ZNF585B: variants seen among roughly 807,000 people sequenced by gnomAD.
The protein encoded by ZNF585B is zinc finger protein 585B.
ZNF585B carries 7 observed loss-of-function variants against 14.0 expected under a neutral mutation model. The observed-to-expected ratio is 0.50, with a 90% CI of 0.28 to 0.94. The LOEUF is 0.94. Ranked by LOEUF, ZNF585B falls within the 40% of genes least tolerant of loss-of-function variation. The pLI is 0.09. For missense variants in ZNF585B, 750 were observed against 924.4 expected, an observed-to-expected ratio of 0.81 and a Z score of 2.45; for synonymous variants, 290 against 317.3, an observed-to-expected ratio of 0.91 and a Z score of 0.91.
At chr19:37,204,614 A>G (rs1192762838) in intron 2 of ZNF585B, among the ~76,000 whole-genome samples, 2 of 152,198 alleles carry the variant, frequency 1.3e-5, no homozygotes, top group Admixed American at 6.5e-5. Flanking sequence ...TATCTCTTTC[A>G]TCCAGGCTGG....
rs934222740 is a variant in ZNF585B at position 37,191,584 on chromosome 19, C to T, written c.73-1434G>A. On this transcript the variant is annotated intron_variant, in intron 2 of 4. Transcript: ENST00000532828. ...AGTGAGCTGAGATTATGCCACGGCA[C>T]TCCAGCCTGAGCGACAGAGGGAGAC... is the stretch of plus-strand genomic sequence containing the variant. Among the ~76,000 whole-genome samples, 4 of 150,928 alleles carry T rather than the reference C, an allele frequency of 2.7e-5. No individual in the cohort carries two copies. The South Asian group carries it at 6.3e-4, about 24-fold the overall frequency.
chr19:37,185,711 C>T lies in ZNF585B; in HGVS notation c.1826G>A (p.Ser609Asn), dbSNP rs367958049. 1 of 1,599,934 alleles carries T rather than the reference C, an allele frequency of 6.3e-7. No individual in the cohort carries two copies. The highest frequency in any genetic ancestry group is 8.5e-7 in the Non-Finnish European group (1 of 1,172,678). ...GGAGGTAAAGGACTTCCCACAGTCACTGCATTCATAAGGCTTCTCTCCAGT... is the reference window on the plus strand; with the variant it reads ...GGAGGTAAAGGACTTCCCACAGTCATTGCATTCATAAGGCTTCTCTCCAGT... ...IHTGEKPYEC[S>N]DCGKSFTSKS... The change falls in exon 5 of 5, where the codon AGT (serine) becomes AAT (asparagine). Residue 609 changes from serine to asparagine, a missense_variant. This residue lies in a region of ZNF585B where 233 missense variants were observed against 354.1 expected (regional missense o/e 0.66). Transcript: ENST00000532828.
chr19:37,207,020 T>C lies in ZNF585B; in HGVS notation c.72+20A>G, dbSNP rs758913131. On this transcript the variant is annotated intron_variant, in intron 2 of 4. Coordinates refer to ENST00000532828, the MANE Select transcript of ZNF585B (RefSeq NM_152279.4). ...TACTCTTGGACTGAAATTCCACCCC[T>C]TGGGACTCCTCCTCCTCACCTCATA... The C allele has an allele frequency of 3.7e-6, 6 of 1,613,222 alleles. No homozygotes were observed. The highest frequency in any genetic ancestry group is 5.1e-6 in the Non-Finnish European group (6 of 1,179,952).
At chr19:37,205,106 T>C (rs1972572610) in intron 2 of ZNF585B, among the ~76,000 whole-genome samples, 1 of 152,114 alleles carries the variant, frequency 6.6e-6, no homozygotes, top group African/African-American at 2.4e-5. Flanking sequence ...AATCACTACA[T>C]TGCCAGGGCT....
intron 2 of ZNF585B, among the ~76,000 whole-genome samples, chr19:37,201,783 TC>T (rs1972532894): frequency 6.6e-6 from 1 of 152,234 alleles, no homozygotes; most frequent in Non-Finnish European, 1.5e-5. Flanking sequence ...AGAATTTCAT[TC>T]TTTTTTTCTA....
intron 2 of ZNF585B, among the ~76,000 whole-genome samples, chr19:37,193,386 G>A (rs1167650519): frequency 6.6e-6 from 1 of 151,636 alleles, no homozygotes; most frequent in African/African-American, 2.4e-5. Context: ...CAGGAGAATG[G>A]CGTGAACCCG....
rs769198757 is a variant in ZNF585B at position 37,186,631 on chromosome 19, G to C, written c.906C>G (p.Asn302Lys). ...HSGEKPYECN[N>K]CGKSFISKSQ... ...ACTTGGAAATGAAGGATTTGCCACAGTTATTGCATTCATATGGTTTTTCTC... is the reference window on the plus strand; with the variant it reads ...ACTTGGAAATGAAGGATTTGCCACACTTATTGCATTCATATGGTTTTTCTC... Residue 302 changes from asparagine to lysine, a missense_variant, in exon 5 of 5, where the codon AAC (asparagine) becomes AAG (lysine). By Grantham distance (94) the Asn-to-Lys change is moderately conservative (BLOSUM62 0). Coordinates refer to ENST00000532828, the MANE Select transcript of ZNF585B (RefSeq NM_152279.4). 147 of 1,614,108 alleles carry C rather than the reference G, an allele frequency of 9.1e-5. No individual in the cohort carries two copies. The highest frequency in any genetic ancestry group is 1.2e-4 in the Non-Finnish European group (140 of 1,180,046).
chr19:37,190,223 G>T, intron 2 of ZNF585B, 73 bp from the exon 3 acceptor site: 1 of 1,575,328 alleles, frequency 6.3e-7, no homozygotes, highest in South Asian at 1.2e-5. Context: ...TGGGATTACG[G>T]AACATGGGTT....
chr19:37,182,310 T>C lies in ZNF585B; in HGVS notation c.*2917A>G, dbSNP rs997879431. 2 of 152,132 alleles carry C rather than the reference T, an allele frequency of 1.3e-5. No individual in the cohort carries two copies. Among genetic ancestry groups the C allele is most frequent in the African/African-American group, 4.8e-5 (2 of 41,416 alleles). 9.4% of individuals were successfully genotyped at this position (152,132 alleles called of 1,614,324 possible). On this transcript the variant is annotated 3_prime_UTR_variant, in exon 5 of 5. Coordinates refer to ENST00000532828, the MANE Select transcript of ZNF585B (RefSeq NM_152279.4). Reference sequence around the variant, plus strand: ...TGGAATTCATGAGGAGTGATACACTTAGGAGTAAGGTAAAATGGGAATAAT... The same window carrying C: ...TGGAATTCATGAGGAGTGATACACTCAGGAGTAAGGTAAAATGGGAATAAT...
intron 1 of ZNF585B, among the ~76,000 whole-genome samples, chr19:37,208,464 T>TTATGTTTCCTAATTA (rs1363662730): frequency 6.6e-6 from 1 of 152,140 alleles, no homozygotes; most frequent in Non-Finnish European, 1.5e-5. Context: ...GTATTTCTGA[T>TTATGTTTCCTAATTA]TATGTTTCCT....
chr19:37,187,793 T>C (rs146896162), intron 4 of ZNF585B, among the ~76,000 whole-genome samples: 1 of 152,292 alleles, frequency 6.6e-6, no homozygotes, highest in East Asian at 1.9e-4. Flanking sequence ...GTGAGTAATT[T>C]CATGAGAAGG....
intron 2 of ZNF585B, among the ~76,000 whole-genome samples, chr19:37,196,906 A>C (rs1000590677): frequency 1.3e-5 from 2 of 152,134 alleles, no homozygotes; most frequent in Admixed American, 1.3e-4. Flanking sequence ...CAGCTTTTCA[A>C]CTGCACAGAG....
chr19:37,185,385 A>T lies in ZNF585B; in HGVS notation c.2152T>A (p.Tyr718Asn), dbSNP rs1177673127. The change falls in exon 5 of 5, where the codon TAC becomes AAC. Residue 718 changes from tyrosine to asparagine, a missense_variant. Tyr to Asn is a moderately radical substitution (Grantham distance 143). This residue lies in a region of ZNF585B where 233 missense variants were observed against 354.1 expected (regional missense o/e 0.66). Transcript: ENST00000532828. ...GCCTTCCCACACTCAGCACACACGTAAGGCTTCTCTCCAGTGTGAATTCGC... is the reference window on the plus strand; with the variant it reads ...GCCTTCCCACACTCAGCACACACGTTAGGCTTCTCTCCAGTGTGAATTCGC... ...HQRIHTGEKPYVCAECGKAFS... is the reference protein window; with the variant it reads ...HQRIHTGEKPNVCAECGKAFS... The T allele has an allele frequency of 6.2e-7, 1 of 1,614,106 alleles. No individual in the cohort carries two copies. Among genetic ancestry groups the T allele is most frequent in the Non-Finnish European group, 8.5e-7 (1 of 1,180,020 alleles).
chr19:37,189,675 C>T lies in ZNF585B; in HGVS notation c.278G>A (p.Arg93His), dbSNP rs1405908614. Residue 93 changes from arginine to histidine, a missense_variant, in exon 4 of 5, where the codon CGT becomes CAT. Physicochemically the swap from Arg to His is conservative, Grantham distance 29. Transcript: ENST00000532828. ...EPWALQGERP[R>H]HSCPGEKLWD... Reference sequence around the variant, plus strand: ...ACTTCACTCACCTGGGCAGCTGTGACGTGGCCTCTCACCCTGCAGTGCCCA... The same window carrying T: ...ACTTCACTCACCTGGGCAGCTGTGATGTGGCCTCTCACCCTGCAGTGCCCA... 43 of 1,613,028 alleles carry T rather than the reference C, an allele frequency of 2.7e-5. No individual in the cohort carries two copies. The highest frequency in any genetic ancestry group is 1.9e-4 in the South Asian group (17 of 91,030).
chr19:37,207,061 C>A lies in ZNF585B; in HGVS notation c.51G>T (p.Glu17Asp). 2 of 1,614,104 alleles carry A rather than the reference C, an allele frequency of 1.2e-6. No homozygotes were observed. The highest frequency in any genetic ancestry group is 1.7e-6 in the Non-Finnish European group (2 of 1,180,026). The change falls in exon 2 of 5, where the codon GAG becomes GAT. Residue 17 changes from glutamate to aspartate, a missense_variant. Glu to Asp is a conservative substitution (Grantham distance 45). Transcript: ENST00000532828. ...TCACCTCATAGGAGCTGCCATGATCCTCTGGAGCCAGGGCTGAGGATTTCT... is the reference window on the plus strand; with the variant it reads ...TCACCTCATAGGAGCTGCCATGATCATCTGGAGCCAGGGCTGAGGATTTCT... ...SPQKSSALAPEDHGSSYEGSV... is the reference protein window; with the variant it reads ...SPQKSSALAPDDHGSSYEGSV...
Position 37,185,010 on chromosome 19 carries a change from T to A in ZNF585B, c.*217A>T. On this transcript the variant is annotated 3_prime_UTR_variant, in exon 5 of 5. Transcript: ENST00000532828. ...AAATTGACTCGGTTCCTTGTCAGTA[T>A]GAATAATGACCCAAGGTTTACTGGG... The A allele has an allele frequency of 2.0e-6, 1 of 499,786 alleles. No individual in the cohort carries two copies. The highest frequency in any genetic ancestry group is 3.5e-5 in the Admixed American group (1 of 28,220). The allele number at this position is 499,786 out of a possible 1,614,324, so 31.0% of individuals were successfully genotyped here. A position where few individuals can be genotyped will look rare whatever the true frequency, so the allele number is the denominator to read the frequency against.
intron 1 of ZNF585B, among the ~76,000 whole-genome samples, chr19:37,208,605 TAAAAG>T (rs1972612537): frequency 7.1e-6 from 1 of 140,018 alleles, no homozygotes; most frequent in African/African-American, 2.7e-5. Flanking sequence ...AAAAAAAAAA[TAAAAG>T]AAACTGGAAA....
intron 2 of ZNF585B, among the ~76,000 whole-genome samples, chr19:37,206,498 A>G (rs1972589051): frequency 6.6e-6 from 1 of 152,148 alleles, no homozygotes; most frequent in African/African-American, 2.4e-5. Context: ...GTTTTTAAAA[A>G]TTAAAACATT....
intron 2 of ZNF585B, among the ~76,000 whole-genome samples, chr19:37,204,601 GTCTA>G (rs1256389850): frequency 2.6e-5 from 4 of 152,168 alleles, no homozygotes; most frequent in Non-Finnish European, 5.9e-5. Flanking sequence ...TTGAGACAAA[GTCTA>G]TCTCTTTCAT....
Sources: gnomAD v4.1 joint callset for allele counts (sites outside exome capture counted in the v4.1 genomes callset) on GRCh38, gnomAD v4.1.1 for gene constraint, gnomAD v4.1.1 regional missense constraint, MANE v1.5 for transcripts, NCBI Gene and HGNC (gene_info 2026-07-23, HGNC 2026-07-21) for gene names.